Variants in QSER1 observed in about 807,000 individuals in gnomAD.
QSER1 encodes glutamine and serine rich 1.
In QSER1, 49 loss-of-function variants were observed where a neutral mutation model predicts 158.5. That is an observed-to-expected ratio of 0.31 (90% confidence interval 0.25 to 0.39). The LOEUF (loss-of-function observed/expected upper bound fraction) is 0.39. Among genes scored for constraint, QSER1 ranks in the 10% least tolerant of loss-of-function variants. The pLI is 1.00. For synonymous variants in QSER1, 650 were observed against 715.5 expected (o/e 0.91, Z 1.46); for missense variants, 1,754 against 2,010.3 (o/e 0.87, Z 2.44).
At chr11:32,915,748 A>G (rs1372636493) in intron 1 of QSER1, among the ~76,000 whole-genome samples, 2 of 152,206 alleles carry the variant, frequency 1.3e-5, no homozygotes, top group East Asian at 3.8e-4. Context: ...TTAAAACCAT[A>G]AAGCACAGAT....
At chr11:32,951,741 A>G (rs748765732) in intron 4 of QSER1, among the ~76,000 whole-genome samples, 1 of 151,918 alleles carries the variant, frequency 6.6e-6, no homozygotes, top group Non-Finnish European at 1.5e-5. Context: ...CTGCAAATGT[A>G]TAGAAATACA....
chr11:32,927,917 ATT>A, intron 2 of QSER1, 43 bp from the exon 3 acceptor site: 6 of 395,390 alleles, frequency 1.5e-5, no homozygotes, highest in East Asian at 4.2e-5. Context: ...ATACAAGTAA[ATT>A]TTTTTTTTTT....
At chr11:32,970,184 C>G (rs988390550) in intron 10 of QSER1, among the ~76,000 whole-genome samples, 1 of 151,990 alleles carries the variant, frequency 6.6e-6, no homozygotes, top group Non-Finnish European at 1.5e-5. Flanking sequence ...TGTTCACATC[C>G]CTGTTTTATG....
Position 32,932,943 on chromosome 11 carries a change from G to C in QSER1, c.1685G>C (p.Gly562Ala), listed in dbSNP as rs372213152. The C allele has an allele frequency of 1.9e-6, 3 of 1,613,588 alleles. No homozygotes were observed. Among genetic ancestry groups the C allele is most frequent in the Non-Finnish European group, 2.5e-6 (3 of 1,179,986 alleles). ...SQSYSSGHSQGLSPVSQTQVS... is the reference protein window; with the variant it reads ...SQSYSSGHSQALSPVSQTQVS... ...AGTTACTCATCTGGTCACTCTCAGG[G>C]TTTATCACCAGTTAGCCAGACACAG... Residue 562 changes from glycine to alanine, a missense_variant, in exon 4 of 13, where the codon GGT becomes GCT. This residue lies in a region of QSER1 where 1,707 missense variants were observed against 1,919.6 expected (regional missense o/e 0.89). Transcript: ENST00000650167.
chr11:32,975,133 C>T, intron 11 of QSER1, 115 bp from the exon 12 acceptor site: 1 of 574,520 alleles, frequency 1.7e-6, no homozygotes, highest in South Asian at 3.0e-5. Flanking sequence ...GAATACCTAC[C>T]CATATATGTC....
At chr11:32,905,904 A>T (rs939957927) in intron 1 of QSER1, among the ~76,000 whole-genome samples, 3 of 152,160 alleles carry the variant, frequency 2.0e-5, no homozygotes, top group African/African-American at 7.2e-5. Context: ...AATTTAAAAG[A>T]TAGTAAACTT....
intron 9 of QSER1, among the ~76,000 whole-genome samples, chr11:32,967,108 A>T (rs1392856485): frequency 2.6e-5 from 4 of 152,194 alleles, no homozygotes; most frequent in Non-Finnish European, 5.9e-5. Context: ...CCATCAGCCG[A>T]TGAGTGAATA....
At chr11:32,908,261 C>T (rs1851719041) in intron 1 of QSER1, among the ~76,000 whole-genome samples, 1 of 152,120 alleles carries the variant, frequency 6.6e-6, no homozygotes, top group Non-Finnish European at 1.5e-5. Context: ...TTGTCCAATC[C>T]AGGCCTTGGT....
chr11:32,976,564 T>G lies in QSER1; in HGVS notation c.*90T>G. On this transcript the variant is annotated 3_prime_UTR_variant, in exon 13 of 13. Coordinates refer to ENST00000650167, the MANE Select transcript of QSER1 (RefSeq NM_001076786.3). The stretch of plus-strand genomic sequence containing the variant: ...ATAATCAGATGTCAAGTAGTGGCCT[T>G]CTGCAGGCCGGCCGCTTCCATCATG... 1 of 1,397,602 alleles carries G rather than the reference T, an allele frequency of 7.2e-7. No individual in the cohort carries two copies. The highest frequency in any genetic ancestry group is 9.9e-7 in the Non-Finnish European group (1 of 1,006,644). The allele number at this position is 1,397,602 out of a possible 1,614,324, so 86.6% of individuals were successfully genotyped here. A position where few individuals can be genotyped will look rare whatever the true frequency, so the allele number is the denominator to read the frequency against.
At chr11:32,957,561 T>C (rs1446226619) in intron 7 of QSER1, among the ~76,000 whole-genome samples, 4 of 152,202 alleles carry the variant, frequency 2.6e-5, no homozygotes, top group Non-Finnish European at 2.9e-5. Context: ...GATCATCTGT[T>C]GTACAGCCTC....
intron 1 of QSER1, among the ~76,000 whole-genome samples, chr11:32,898,663 T>C (rs1193492349): frequency 2.6e-5 from 4 of 152,222 alleles, no homozygotes; most frequent in Non-Finnish European, 4.4e-5. Flanking sequence ...CACAGCTTAC[T>C]GCAGCCTCGA....
chr11:32,940,531 GT>G (rs1294652594), intron 4 of QSER1, among the ~76,000 whole-genome samples: 2 of 151,690 alleles, frequency 1.3e-5, no homozygotes, highest in Non-Finnish European at 2.9e-5. Context: ...AAACTGGGAG[GT>G]TTTTTTTCTG....
In QSER1 at chr11:32,893,486, C is replaced by T. The variant is rs1212794731; in HGVS notation, c.209+152C>T. 6.6e-6 allele frequency among the ~76,000 whole-genome samples: 1 copy of T among 152,190 alleles called. No homozygotes were observed. The highest frequency in any genetic ancestry group is 6.5e-5 in the Admixed American group (1 of 15,286). On this transcript the variant is annotated intron_variant, in intron 1 of 12. Transcript: ENST00000650167. This position sits in a 1 kb window ranked among gnomAD's most constrained non-coding sequence, Gnocchi z 4.7. ...CCAGCTCGGGGGAGGCGGCTGATGA[C>T]TCCTACGGGGTGGTCGCGGGTAGGT...
intron 1 of QSER1, among the ~76,000 whole-genome samples, chr11:32,919,441 G>A (rs553370058): frequency 6.6e-6 from 1 of 152,118 alleles, no homozygotes; most frequent in Non-Finnish European, 1.5e-5. Context: ...CCCTCTTTTG[G>A]AATTTGCCTA....
At position 32,893,842 on chromosome 11, in the gene QSER1, G is replaced by A. The variant is rs2133479230; in HGVS notation, c.209+508G>A. 6.6e-6 allele frequency among the ~76,000 whole-genome samples: 1 copy of A among 152,316 alleles called. No homozygotes were observed. Among genetic ancestry groups the A allele is most frequent in the South Asian group, 2.1e-4 (1 of 4,830 alleles). On this transcript the variant is annotated intron_variant, in intron 1 of 12. Coordinates refer to ENST00000650167, the MANE Select transcript of QSER1 (RefSeq NM_001076786.3). This position sits in a 1 kb window ranked among gnomAD's most constrained non-coding sequence, Gnocchi z 4.7. ...GACACTGGGGGGCCCGGGAGGGCTG[G>A]GCTACGGGAGAATCCCCGGGGCGCA...
chr11:32,942,014 G>C (rs1196777621), intron 4 of QSER1, among the ~76,000 whole-genome samples: 1 of 150,902 alleles, frequency 6.6e-6, no homozygotes, highest in Non-Finnish European at 1.5e-5. Context: ...GTGTCTTTTG[G>C]CTGCATAAAT....
chr11:32,965,454 A>G (rs1292363800), intron 8 of QSER1, among the ~76,000 whole-genome samples: 2 of 152,216 alleles, frequency 1.3e-5, no homozygotes, highest in Non-Finnish European at 2.9e-5. Context: ...CAAGAATTTT[A>G]TAGTAATTTA....
intron 8 of QSER1, among the ~76,000 whole-genome samples, chr11:32,965,927 G>C (rs767659287): frequency 1.7e-5 from 2 of 114,510 alleles, no homozygotes; most frequent in Admixed American, 1.0e-4. Context: ...GGCAACAAGA[G>C]TGAAACTCTG....
chr11:32,920,657 AC>A (rs1201986003), intron 1 of QSER1, among the ~76,000 whole-genome samples: 1 of 152,220 alleles, frequency 6.6e-6, no homozygotes, highest in East Asian at 1.9e-4. Context: ...GAACTCTTAT[AC>A]TTTAATAATA....
Sources: allele counts gnomAD v4.1 joint callset (sites outside exome capture counted in the v4.1 genomes callset), GRCh38; gene constraint gnomAD v4.1.1; regional missense constraint gnomAD v4.1.1; non-coding constraint Gnocchi (gnomAD v3.1); transcripts MANE v1.5; gene names NCBI Gene and HGNC (gene_info 2026-07-23, HGNC 2026-07-21).